The following ECT2L variants were observed in gnomAD, a reference collection of about 807,000 sequenced individuals.
ECT2L encodes the protein epithelial cell-transforming sequence 2 oncogene-like.
Under a neutral mutation model 122.8 loss-of-function variants are expected in ECT2L, and 126 were observed. The observed-to-expected ratio is 1.03, with a 90% CI of 0.89 to 1.19. ECT2L has a LOEUF of 1.19. Among genes scored for constraint, ECT2L ranks in the 50% most tolerant of loss-of-function variants. The pLI is 0.00. For synonymous variants in ECT2L, 385 were observed against 381.8 expected, an observed-to-expected ratio of 1.01 and a Z score of -0.10; for missense variants, 1,012 against 1,064.1, an observed-to-expected ratio of 0.95 and a Z score of 0.68.
At chr6:138,847,537 A>ATTTT (rs777070599) in intron 8 of ECT2L, among the ~76,000 whole-genome samples, 1 of 123,828 alleles carries the variant, frequency 8.1e-6, no homozygotes, top group African/African-American at 3.1e-5. Flanking sequence ...TGCCCGGCTA[A>ATTTT]TTTTTTTTTT....
At chr6:138,859,741 A>G (rs1162326121) in intron 10 of ECT2L, among the ~76,000 whole-genome samples, 1 of 152,120 alleles carries the variant, frequency 6.6e-6, no homozygotes, top group Non-Finnish European at 1.5e-5. Flanking sequence ...CATACTGGAT[A>G]AAAATATTTT....
At chr6:138,901,452 CCA>C (rs1779393309) in intron 21 of ECT2L, among the ~76,000 whole-genome samples, 1 of 152,140 alleles carries the variant, frequency 6.6e-6, no homozygotes, top group Admixed American at 6.5e-5. Flanking sequence ...TCTGAAGATG[CCA>C]CAGTCTTAAA....
chr6:138,859,808 T>C (rs1267444527), intron 10 of ECT2L, among the ~76,000 whole-genome samples: 1 of 138,748 alleles, frequency 7.2e-6, no homozygotes, highest in African/African-American at 2.8e-5. Flanking sequence ...TGAAGCACAG[T>C]TCTTTTTTTT....
At chr6:138,898,640 A>G (rs1162261940) in intron 20 of ECT2L, among the ~76,000 whole-genome samples, 1 of 152,172 alleles carries the variant, frequency 6.6e-6, no homozygotes, top group Non-Finnish European at 1.5e-5. Context: ...AGCTCTACTC[A>G]ATCAGAATTT....
At chr6:138,811,773 G>A (rs1027770915) in intron 1 of ECT2L, among the ~76,000 whole-genome samples, 2 of 152,150 alleles carry the variant, frequency 1.3e-5, no homozygotes, top group African/African-American at 2.4e-5. Context: ...GCTGCCTCCC[G>A]GTTCAAGCGA....
intron 10 of ECT2L, among the ~76,000 whole-genome samples, chr6:138,859,043 T>G (rs998352845): frequency 3.3e-5 from 5 of 152,078 alleles, no homozygotes; most frequent in Admixed American, 3.3e-4. Flanking sequence ...ATGGAACAGC[T>G]CAAAAATTTG....
chr6:138,868,154 A>G lies in ECT2L; in HGVS notation c.1526A>G (p.Asp509Gly), dbSNP rs1050963528. ...MGMTNILNNQ[D>G]TAQALADGLM... ...ATGACCAACATTCTAAACAACCAAG[A>G]TACTGCGCAAGCTCTGGCAGATGGA... The change falls in exon 13 of 22, where the codon GAT becomes GGT. Residue 509 changes from aspartate to glycine, a missense_variant. Asp to Gly is a moderately conservative substitution (Grantham distance 94). Transcript: ENST00000541398. 5.0e-6 allele frequency: 8 copies of G among 1,613,916 alleles called. No homozygotes were observed. Among genetic ancestry groups the G allele is most frequent in the Non-Finnish European group, 5.9e-6 (7 of 1,179,870 alleles).
intron 4 of ECT2L, among the ~76,000 whole-genome samples, chr6:138,831,237 T>A (rs1346503846): frequency 6.6e-6 from 1 of 152,262 alleles, no homozygotes; most frequent in South Asian, 2.1e-4. Flanking sequence ...GGCCATGGCC[T>A]TCTAATTGGT....
intron 4 of ECT2L, among the ~76,000 whole-genome samples, chr6:138,826,763 C>T (rs1193846250): frequency 1.3e-5 from 2 of 152,044 alleles, no homozygotes; most frequent in African/African-American, 2.4e-5. Flanking sequence ...TGAGATCTGG[C>T]GGGAGGTGTT....
chr6:138,838,566 G>C (rs753393006), intron 5 of ECT2L, 52 bp downstream of exon 5: 1 of 1,542,498 alleles, frequency 6.5e-7, no homozygotes, highest in South Asian at 1.3e-5. Flanking sequence ...GCTGTAATCT[G>C]TAATGAGGCT....
intron 4 of ECT2L, among the ~76,000 whole-genome samples, chr6:138,828,096 C>CCCTG (rs1370258627): frequency 1.3e-5 from 2 of 152,006 alleles, no homozygotes; most frequent in African/African-American, 4.8e-5. Flanking sequence ...GCATGACAGG[C>CCCTG]CCTGGTGTGT....
In ECT2L at chr6:138,854,082, A is replaced by G; in HGVS notation, c.1126A>G (p.Lys376Glu). The change falls in exon 10 of 22, where the codon AAA becomes GAA. Residue 376 changes from lysine to glutamate, a missense_variant. Transcript: ENST00000541398. ...GCCTGAAGTGAGAGATTTCTGGGAG[A>G]AATTAGGAAGCTATGTGGCCACTGA... ...LRPEVRDFWEKLGSYVATEEE... is the reference protein window; with the variant it reads ...LRPEVRDFWEELGSYVATEEE... 6.2e-7 allele frequency: 1 copy of G among 1,614,018 alleles called. No individual in the cohort carries two copies.
At chr6:138,867,769 C>A (rs569385870) in intron 12 of ECT2L, among the ~76,000 whole-genome samples, 1 of 151,750 alleles carries the variant, frequency 6.6e-6, no homozygotes. Flanking sequence ...GCGGAGGTTG[C>A]AGTGAGCCCA....
At chr6:138,822,101 C>T (rs1176727676) in intron 4 of ECT2L, among the ~76,000 whole-genome samples, 4 of 152,252 alleles carry the variant, frequency 2.6e-5, no homozygotes, top group African/African-American at 7.2e-5. Context: ...GAAACTAATA[C>T]AAGCAGTGAT....
intron 10 of ECT2L, among the ~76,000 whole-genome samples, chr6:138,856,808 G>A (rs1777627770): frequency 6.6e-6 from 1 of 152,164 alleles, no homozygotes; most frequent in East Asian, 1.9e-4. Context: ...TGACATAACT[G>A]TCAAATGGGA....
At chr6:138,878,495 G>A (rs1023646234) in intron 14 of ECT2L, among the ~76,000 whole-genome samples, 2 of 152,176 alleles carry the variant, frequency 1.3e-5, no homozygotes, top group South Asian at 4.1e-4. Context: ...TGCCCAGGCT[G>A]GAGTGCGGTG....
intron 19 of ECT2L, among the ~76,000 whole-genome samples, chr6:138,887,790 C>T (rs533939039): frequency 6.6e-6 from 1 of 152,190 alleles, no homozygotes; most frequent in Non-Finnish European, 1.5e-5. Context: ...AATTGCTTTT[C>T]TTTCCTATTT....
rs769101783 is a variant in ECT2L at position 138,885,823 on chromosome 6, T to G, written c.2252T>G (p.Ile751Arg). The G allele has an allele frequency of 1.2e-6, 2 of 1,612,922 alleles. No homozygotes were observed. Among genetic ancestry groups the G allele is most frequent in the East Asian group, 2.2e-5 (1 of 44,886 alleles). Reference sequence around the variant, plus strand: ...CAAATCAAAAAATATAAAGGTTATATAGATCAGGTTGGTTGCTGATAAGAA... The same window carrying G: ...CAAATCAAAAAATATAAAGGTTATAGAGATCAGGTTGGTTGCTGATAAGAA... ...IDQIKKYKGY[I>R]DQMKQNITMK... The change falls in exon 18 of 22, where the codon ATA becomes AGA. Residue 751 changes from isoleucine to arginine, a missense_variant. Transcript: ENST00000541398.
At chr6:138,839,931 ACCTT>A (rs1776978775) in intron 5 of ECT2L, among the ~76,000 whole-genome samples, 1 of 152,152 alleles carries the variant, frequency 6.6e-6, no homozygotes, top group Non-Finnish European at 1.5e-5. Context: ...AAATTCATTT[ACCTT>A]CCTCTCAGTT....
Sources: gnomAD v4.1 joint callset for allele counts (sites outside exome capture counted in the v4.1 genomes callset) on GRCh38, gnomAD v4.1.1 for gene constraint, MANE v1.5 for transcripts, NCBI Gene and HGNC (gene_info 2026-07-23, HGNC 2026-07-21) for gene names.